The following COL9A1 variants were observed in gnomAD, a reference collection of about 807,000 sequenced individuals.
COL9A1 encodes the protein collagen alpha-1(IX) chain.
A neutral mutation model predicts 142.6 loss-of-function variants in COL9A1; 104 were observed. The observed-to-expected ratio is 0.73, with a 90% CI of 0.62 to 0.86. The LOEUF (loss-of-function observed/expected upper bound fraction) is 0.86. COL9A1 is among the 40% of genes least tolerant of loss of function. The pLI is 0.00. For synonymous variants in COL9A1, 466 were observed against 396.0 expected, an observed-to-expected ratio of 1.18 and a Z score of -2.10; for missense variants, 1,210 against 1,176.6, an observed-to-expected ratio of 1.03 and a Z score of -0.42.
intron 10 of COL9A1, chr6:70,279,796 A>G: frequency 2.2e-6 from 1 of 450,450 alleles, no homozygotes; most frequent in Middle Eastern, 3.1e-4. Context: ...TTTTTCTTTC[A>G]AAATGAAGGA....
chr6:70,242,099 G>A, intron 29 of COL9A1, 64 bp from the exon 30 acceptor site: 1 of 1,390,254 alleles, frequency 7.2e-7, no homozygotes, highest in Non-Finnish European at 1.0e-6. Flanking sequence ...ACGGAAGGCA[G>A]AAACAACCTT....
chr6:70,256,317 C>T (rs1043378411), intron 21 of COL9A1, among the ~76,000 whole-genome samples: 19 of 152,144 alleles, frequency 1.2e-4, no homozygotes, highest in African/African-American at 4.6e-4. Flanking sequence ...ATTCAATTAT[C>T]AATGGATGGC....
intron 37 of COL9A1, among the ~76,000 whole-genome samples, chr6:70,224,436 A>C (rs556392860): frequency 2.4e-4 from 37 of 152,372 alleles, no homozygotes; most frequent in African/African-American, 6.3e-4. Context: ...GATTATTTTC[A>C]AAGTGAGAAT....
intron 10 of COL9A1, chr6:70,280,060 G>T (rs1773046267): frequency 1.5e-6 from 1 of 688,314 alleles, no homozygotes; most frequent in African/African-American, 1.8e-5. Flanking sequence ...GGAAAGAGGA[G>T]AAGCTGAGAA....
At position 70,230,947 on chromosome 6, in the gene COL9A1, G is replaced by A. The variant is rs1769499937; in HGVS notation, c.2503+1636C>T. ...ACAAAGTTAAGCTCTGCCCCAAGGA[G>A]ACTTCCTGTTAACCAAAGAAAATAG... On this transcript the variant is annotated intron_variant, in intron 36 of 37. Coordinates refer to ENST00000357250, the MANE Select transcript of COL9A1 (RefSeq NM_001851.6). Among the ~76,000 whole-genome samples, 5 of 152,292 alleles carry A rather than the reference G, an allele frequency of 3.3e-5. No homozygotes were observed. The South Asian group carries it at 1.0e-3, about 32-fold the overall frequency.
At chr6:70,284,082 C>T (rs1015043282) in intron 5 of COL9A1, among the ~76,000 whole-genome samples, 3 of 152,160 alleles carry the variant, frequency 2.0e-5, no homozygotes, top group African/African-American at 7.2e-5. Flanking sequence ...AGCCTGGAAA[C>T]AGACCACCAG....
Position 70,274,067 on chromosome 6 carries a change from G to C in COL9A1, c.1045C>G (p.Pro349Ala). The stretch of plus-strand genomic sequence containing the variant: ...CTTACTGGAAATCCACGCGATCCAG[G>C]CACACCAGGTTCTCCCTAAAAATAA... ...SKGQKGEPGV[P>A]GSRGFPGRGI... The change falls in exon 12 of 38, where the codon CCT becomes GCT. Residue 349 changes from proline to alanine, a missense_variant. Physicochemically the swap from Pro to Ala is conservative, Grantham distance 27. Coordinates refer to ENST00000357250, the MANE Select transcript of COL9A1 (RefSeq NM_001851.6). 1 of 1,583,522 alleles carries C rather than the reference G, an allele frequency of 6.3e-7. No homozygotes were observed.
rs906407856 is a variant in COL9A1, at chr6:70,216,183, T to C, written c.*714A>G. ...AACCAGAGATGTTACCTCAAACCTTTAAAATAAATAATCTCATCAATAAAA... is the reference window on the plus strand; with the variant it reads ...AACCAGAGATGTTACCTCAAACCTTCAAAATAAATAATCTCATCAATAAAA... On this transcript the variant is annotated 3_prime_UTR_variant, in exon 38 of 38. Transcript: ENST00000357250. 6.6e-6 allele frequency: 1 copy of C among 152,610 alleles called. No individual in the cohort carries two copies. Among genetic ancestry groups the C allele is most frequent in the Non-Finnish European group, 1.5e-5 (1 of 68,034 alleles). 9.5% of individuals were successfully genotyped at this position (152,610 alleles called of 1,614,324 possible).
Position 70,257,055 on chromosome 6 carries a change from T to A in COL9A1, c.1450-234A>T, listed in dbSNP as rs996916459. Among the ~76,000 whole-genome samples the A allele has an allele frequency of 5.5e-4, 77 of 140,624 alleles. 3 individuals are homozygous for A. The highest frequency in any genetic ancestry group is 6.7e-4 in the African/African-American group (25 of 37,060). The allele number at this position is 140,624 out of a possible 152,430, so 92.3% of individuals were successfully genotyped here. On this transcript the variant is annotated intron_variant, in intron 20 of 37. Transcript: ENST00000357250. ...CTTTGATGCCACTCTGTAATTTTTT[T>A]TTTTTTTTTTTTTTTTTTTTTGTAG...
At chr6:70,293,876 C>T (rs1180753437) in intron 5 of COL9A1, among the ~76,000 whole-genome samples, 1 of 152,158 alleles carries the variant, frequency 6.6e-6, no homozygotes, top group Non-Finnish European at 1.5e-5. Flanking sequence ...CTGTCACCTA[C>T]CTCAACCTTA....
At chr6:70,234,183 A>G (rs1364427618) in intron 35 of COL9A1, among the ~76,000 whole-genome samples, 1 of 151,952 alleles carries the variant, frequency 6.6e-6, no homozygotes, top group African/African-American at 2.4e-5. Flanking sequence ...ACTAAGTGGT[A>G]GGGTCTTAAG....
intron 18 of COL9A1, 52 bp from the exon 19 acceptor site, chr6:70,263,349 C>T (rs769665721): frequency 2.2e-5 from 34 of 1,517,092 alleles, no homozygotes; most frequent in African/African-American, 7.0e-5. Flanking sequence ...TTCTAGCAAA[C>T]GAACATAGAA....
intron 4 of COL9A1, among the ~76,000 whole-genome samples, chr6:70,298,990 A>T (rs1204439335): frequency 1.3e-5 from 2 of 152,128 alleles, no homozygotes; most frequent in Non-Finnish European, 2.9e-5. Context: ...CAAGTAAATT[A>T]AACTTTTGGG....
At chr6:70,261,385 A>T (rs141584763) in intron 19 of COL9A1, among the ~76,000 whole-genome samples, 1 of 152,188 alleles carries the variant, frequency 6.6e-6, no homozygotes, top group East Asian at 1.9e-4. Context: ...TGGCCCCCAT[A>T]CTAGGAGGGA....
At chr6:70,243,324 A>C (rs1770384473) in intron 28 of COL9A1, among the ~76,000 whole-genome samples, 1 of 152,260 alleles carries the variant, frequency 6.6e-6, no homozygotes, top group Admixed American at 6.5e-5. Flanking sequence ...TTCAGAAAGT[A>C]GAACTTATAA....
chr6:70,272,144 TGAATG>T (rs1243461640), intron 12 of COL9A1, 56 bp from the exon 13 acceptor site: 2 of 1,419,280 alleles, frequency 1.4e-6, no homozygotes, highest in Non-Finnish European at 2.0e-6. Flanking sequence ...AGTATAAATA[TGAATG>T]TAGACATAAC....
intron 20 of COL9A1, among the ~76,000 whole-genome samples, chr6:70,260,399 C>T (rs1583280614): frequency 6.6e-6 from 1 of 151,856 alleles, no homozygotes; most frequent in African/African-American, 2.4e-5. Context: ...AAAAATTAGC[C>T]GGGCGTGGTG....
At chr6:70,278,478 T>G (rs1203193137) in intron 10 of COL9A1, among the ~76,000 whole-genome samples, 1 of 152,226 alleles carries the variant, frequency 6.6e-6, no homozygotes, top group Non-Finnish European at 1.5e-5. Context: ...TGGCAGTGCT[T>G]GAGGAAAAAG....
chr6:70,266,641 A>C, intron 18 of COL9A1, 76 bp downstream of exon 18: 1 of 1,164,080 alleles, frequency 8.6e-7, no homozygotes, highest in East Asian at 2.3e-5. Context: ...ATTTCCTATA[A>C]TTCCTAATTT....
Sources: gnomAD v4.1 joint callset for allele counts (sites outside exome capture counted in the v4.1 genomes callset) on GRCh38, gnomAD v4.1.1 for gene constraint, MANE v1.5 for transcripts, NCBI Gene and HGNC (gene_info 2026-07-23, HGNC 2026-07-21) for gene names.